Variants in NALF1 observed in about 807,000 individuals in gnomAD.
NALF1 encodes the protein family with sequence similarity 155 member A.
NALF1 carries 3 observed loss-of-function variants against 48.4 expected under a neutral mutation model. The observed-to-expected ratio is 0.06, with a 90% CI of 0.03 to 0.16. The LOEUF (loss-of-function observed/expected upper bound fraction) is 0.16. Ranked by LOEUF, NALF1 falls within the 10% of genes least tolerant of loss-of-function variation. The probability of loss-of-function intolerance (pLI) is 1.00; values close to 1 mark genes in which losing one functional copy is unlikely to be tolerated. For missense variants in NALF1, 526 were observed against 571.5 expected, an observed-to-expected ratio of 0.92 and a Z score of 0.81; for synonymous variants, 262 against 245.7, an observed-to-expected ratio of 1.07 and a Z score of -0.62.
intron 1 of NALF1, among the ~76,000 whole-genome samples, chr13:107,267,757 A>T (rs968144950): frequency 2.6e-5 from 4 of 152,152 alleles, no homozygotes; most frequent in Admixed American, 6.5e-5. Context: ...GCTTTGGGCC[A>T]TTCTTAAGTA....
chr13:107,799,237 A>G (rs1387155987), intron 1 of NALF1, among the ~76,000 whole-genome samples: 1 of 152,228 alleles, frequency 6.6e-6, no homozygotes, highest in Non-Finnish European at 1.5e-5. Context: ...GAAAGCATGC[A>G]TTACAAAATC....
intron 1 of NALF1, among the ~76,000 whole-genome samples, chr13:107,557,233 C>A (rs935113848): frequency 6.6e-6 from 1 of 152,138 alleles, no homozygotes; most frequent in Non-Finnish European, 1.5e-5. Flanking sequence ...TGCATTGTAA[C>A]CCTTTTAGCA....
intron 1 of NALF1, among the ~76,000 whole-genome samples, chr13:107,469,136 A>G (rs1289925794): frequency 6.6e-6 from 1 of 152,136 alleles, no homozygotes; most frequent in Non-Finnish European, 1.5e-5. Flanking sequence ...ATTCTACTCT[A>G]TATTTAAAAA....
At chr13:107,594,470 CCT>C (rs904360831) in intron 1 of NALF1, among the ~76,000 whole-genome samples, 34 of 152,102 alleles carry the variant, frequency 2.2e-4, no homozygotes, top group African/African-American at 6.5e-4. Context: ...CCCCCAATCC[CCT>C]GTGTCCCTGT....
intron 1 of NALF1, among the ~76,000 whole-genome samples, chr13:107,497,974 T>C (rs951608863): frequency 5.3e-5 from 8 of 152,164 alleles, no homozygotes; most frequent in South Asian, 4.1e-4. Flanking sequence ...TGTTAGAATA[T>C]GAAACATAAC....
intron 1 of NALF1, among the ~76,000 whole-genome samples, chr13:107,555,451 T>C (rs1001086174): frequency 7.2e-6 from 1 of 138,578 alleles, no homozygotes; most frequent in Non-Finnish European, 1.6e-5. Flanking sequence ...TTTTTTTTTT[T>C]TTTTTTTTTT....
Position 107,166,740 on chromosome 13 carries a change from C to T in NALF1, c.*3757G>A, listed in dbSNP as rs1878667749. On this transcript the variant is annotated 3_prime_UTR_variant, in exon 3 of 3. Coordinates refer to ENST00000375915, the MANE Select transcript of NALF1 (RefSeq NM_001080396.3). The stretch of plus-strand genomic sequence containing the variant: ...CATTCATATGAAACCTCCTTTCCCC[C>T]TCATTCCCCGACTCTATCCCTCCCT... 2 of 152,060 alleles carry T rather than the reference C, an allele frequency of 1.3e-5. No homozygotes were observed. Among genetic ancestry groups the T allele is most frequent in the South Asian group, 4.2e-4 (2 of 4,804 alleles). 9.4% of individuals were successfully genotyped at this position (152,060 alleles called of 1,614,324 possible).
intron 1 of NALF1, among the ~76,000 whole-genome samples, chr13:107,276,223 G>A (rs1319148128): frequency 6.6e-6 from 1 of 152,120 alleles, no homozygotes; most frequent in Admixed American, 6.6e-5. Flanking sequence ...AATCGTGAGG[G>A]AGCATCTCCA....
At chr13:107,810,583 T>G (rs73587731) in intron 1 of NALF1, among the ~76,000 whole-genome samples, 8,325 of 152,186 alleles carry the variant, frequency 0.055, 783 homozygotes, top group African/African-American at 0.19. Flanking sequence ...CATCTTAAAC[T>G]GGGTAGATAT....
At chr13:107,721,768 T>A (rs181368050) in intron 1 of NALF1, among the ~76,000 whole-genome samples, 237 of 152,266 alleles carry the variant, frequency 1.6e-3, no homozygotes, top group Non-Finnish European at 2.1e-3. Flanking sequence ...CCTAGCGGTG[T>A]CAAGCAGAAT....
chr13:107,592,842 A>C (rs997411419), intron 1 of NALF1, among the ~76,000 whole-genome samples: 5 of 151,920 alleles, frequency 3.3e-5, no homozygotes, highest in Admixed American at 1.3e-4. Context: ...TAAAAATGAA[A>C]TCCTCTCTGG....
chr13:107,322,744 C>CG (rs1446219178), intron 1 of NALF1, among the ~76,000 whole-genome samples: 1 of 152,150 alleles, frequency 6.6e-6, no homozygotes, highest in Admixed American at 6.6e-5. Flanking sequence ...TTTGTCCACT[C>CG]TTTCAAGTCC....
At chr13:107,773,938 G>T (rs1168126441) in intron 1 of NALF1, among the ~76,000 whole-genome samples, 1 of 152,076 alleles carries the variant, frequency 6.6e-6, no homozygotes, top group Non-Finnish European at 1.5e-5. Flanking sequence ...CAACTATATT[G>T]TAAAGATCAT....
chr13:107,208,245 G>A (rs1281772307), intron 2 of NALF1, among the ~76,000 whole-genome samples: 1 of 152,140 alleles, frequency 6.6e-6, no homozygotes, highest in Non-Finnish European at 1.5e-5. Flanking sequence ...TCAGTGATGA[G>A]ATTATCCTAG....
At position 107,721,979 on chromosome 13, in the gene NALF1, T is replaced by A. The variant is rs79897111; in HGVS notation, c.915+143703A>T. ...GATAAATAAGAAACATCACTGAGGG[T>A]TCCCCCCCTCTTGCCTTTGAGTTTA... is the stretch of plus-strand genomic sequence containing the variant. On this transcript the variant is annotated intron_variant, in intron 1 of 2. Coordinates refer to ENST00000375915, the MANE Select transcript of NALF1 (RefSeq NM_001080396.3). Among the ~76,000 whole-genome samples, 4,009 of 152,198 alleles carry A rather than the reference T, an allele frequency of 0.026. 316 individuals carry two copies. In the East Asian group the frequency reaches 0.3, roughly 11 times the overall value.
intron 1 of NALF1, among the ~76,000 whole-genome samples, chr13:107,713,833 C>T (rs1384133011): frequency 1.3e-5 from 2 of 152,126 alleles, no homozygotes; most frequent in Admixed American, 1.3e-4. Context: ...CTTCCTAATG[C>T]GCAAGTACAG....
chr13:107,731,921 C>G (rs1876321047), intron 1 of NALF1, among the ~76,000 whole-genome samples: 1 of 152,136 alleles, frequency 6.6e-6, no homozygotes, highest in South Asian at 2.1e-4. Flanking sequence ...CTTTGTCCTA[C>G]AGAATTCTCC....
At chr13:107,305,835 G>T (rs1240636645) in intron 1 of NALF1, among the ~76,000 whole-genome samples, 1 of 152,230 alleles carries the variant, frequency 6.6e-6, no homozygotes, top group Non-Finnish European at 1.5e-5. Flanking sequence ...AGCAGTGGCT[G>T]ACTCTGGAGG....
At chr13:107,275,975 T>C (rs1174563066) in intron 1 of NALF1, among the ~76,000 whole-genome samples, 1 of 152,080 alleles carries the variant, frequency 6.6e-6, no homozygotes, top group Admixed American at 6.6e-5. Context: ...GCTGCTCAAC[T>C]GGGGGGTCTC....
Sources: allele counts gnomAD v4.1 joint callset (sites outside exome capture counted in the v4.1 genomes callset), GRCh38; gene constraint gnomAD v4.1.1; transcripts MANE v1.5; gene names NCBI Gene and HGNC (gene_info 2026-07-23, HGNC 2026-07-21).